CNTNAP5: variants seen among roughly 807,000 people sequenced by gnomAD.
CNTNAP5 encodes the protein contactin-associated protein-like 5.
Under a neutral mutation model 150.2 loss-of-function variants are expected in CNTNAP5, and 72 were observed. That is an observed-to-expected ratio of 0.48 (90% CI 0.40 to 0.58). The LOEUF is 0.58. Among genes scored for constraint, CNTNAP5 ranks in the 20% least tolerant of loss-of-function variants. The pLI is 0.00. For missense variants in CNTNAP5, 1,636 were observed against 1,626.2 expected, an observed-to-expected ratio of 1.01 and a Z score of -0.10; for synonymous variants, 672 against 619.8, an observed-to-expected ratio of 1.08 and a Z score of -1.25.
intron 1 of CNTNAP5, among the ~76,000 whole-genome samples, chr2:124,179,022 G>C (rs1418145217): frequency 2.7e-5 from 4 of 150,722 alleles, no homozygotes; most frequent in Non-Finnish European, 5.9e-5. Flanking sequence ...CATTTTTAGA[G>C]CTCTTTCAAG....
rs531908431 is a variant in CNTNAP5, at chr2:124,235,072, GC to G, written c.188-7127del. Reference sequence around the variant, plus strand: ...CAGGGTAAGACAGAGGGGAAAGCTAGCAAGAGTATAGTCTCCACTGAAGTCA... The same window carrying G: ...CAGGGTAAGACAGAGGGGAAAGCTAGAAGAGTATAGTCTCCACTGAAGTCA... On this transcript the variant is annotated intron_variant, in intron 2 of 23. Transcript: ENST00000682447. Among the ~76,000 whole-genome samples, 4 of 152,278 alleles carry G rather than the reference GC, an allele frequency of 2.6e-5. No homozygotes were observed. In the East Asian group the frequency reaches 7.7e-4, roughly 29 times the overall value.
chr2:124,398,383 A>G (rs562855903), intron 3 of CNTNAP5, among the ~76,000 whole-genome samples: 9 of 152,338 alleles, frequency 5.9e-5, no homozygotes, highest in Non-Finnish European at 1.0e-4. Context: ...AACATCTCGC[A>G]GTTTGATGTA....
At chr2:124,594,747 T>C (rs1169022440) in intron 11 of CNTNAP5, among the ~76,000 whole-genome samples, 8 of 132,610 alleles carry the variant, frequency 6.0e-5, no homozygotes, top group Middle Eastern at 7.5e-3. Flanking sequence ...ATTTTCACGA[T>C]ATTGATTCTT....
At position 124,607,265 on chromosome 2, in the gene CNTNAP5, G is replaced by A. The variant is rs559613425; in HGVS notation, c.1757-2536G>A. Reference sequence around the variant, plus strand: ...GCAGCTGCAAAAAAGATGTCCACAGGGCTGCTTTCGTTTTAAGGCTTGATA... The same window carrying A: ...GCAGCTGCAAAAAAGATGTCCACAGAGCTGCTTTCGTTTTAAGGCTTGATA... On this transcript the variant is annotated intron_variant, in intron 11 of 23. Transcript: ENST00000682447. Among the ~76,000 whole-genome samples the A allele has an allele frequency of 1.2e-3, 189 of 152,190 alleles. 1 individual carries two copies. Among genetic ancestry groups the A allele is most frequent in the Non-Finnish European group, 2.3e-3 (158 of 68,008 alleles).
intron 5 of CNTNAP5, among the ~76,000 whole-genome samples, chr2:124,443,345 G>T (rs1335422313): frequency 6.6e-6 from 1 of 151,010 alleles, no homozygotes; most frequent in Non-Finnish European, 1.5e-5. Context: ...TAAAAAGGAT[G>T]GGAAAGCTCT....
At chr2:124,486,592 C>T (rs1693885500) in intron 7 of CNTNAP5, among the ~76,000 whole-genome samples, 1 of 152,156 alleles carries the variant, frequency 6.6e-6, no homozygotes, top group South Asian at 2.1e-4. Context: ...AGACCTTGGA[C>T]ATCTGGAAAA....
chr2:124,306,844 CAG>C (rs1466989476), intron 3 of CNTNAP5, among the ~76,000 whole-genome samples: 1 of 150,370 alleles, frequency 6.7e-6, no homozygotes, highest in Non-Finnish European at 1.5e-5. Context: ...TCTCCTGCCT[CAG>C]CCTCCTGAGT....
intron 19 of CNTNAP5, among the ~76,000 whole-genome samples, chr2:124,801,541 G>A (rs1215311009): frequency 6.6e-6 from 1 of 152,174 alleles, no homozygotes; most frequent in Admixed American, 6.5e-5. Flanking sequence ...TATCACAGGA[G>A]TAGATGAGAG....
At chr2:124,389,846 G>A (rs1162563947) in intron 3 of CNTNAP5, among the ~76,000 whole-genome samples, 1 of 152,030 alleles carries the variant, frequency 6.6e-6, no homozygotes, top group East Asian at 1.9e-4. Context: ...CCTGCCTCTT[G>A]TCCCAGCTAC....
At chr2:124,377,426 G>A (rs1163000507) in intron 3 of CNTNAP5, among the ~76,000 whole-genome samples, 1 of 151,958 alleles carries the variant, frequency 6.6e-6, no homozygotes, top group African/African-American at 2.4e-5. Flanking sequence ...TCAAAAATGG[G>A]CCTGTGGGTG....
chr2:124,444,344 C>A (rs1473955993), intron 5 of CNTNAP5, among the ~76,000 whole-genome samples: 1 of 152,160 alleles, frequency 6.6e-6, no homozygotes, highest in Non-Finnish European at 1.5e-5. Context: ...CCTGTAATCC[C>A]AGCACTTTGG....
intron 8 of CNTNAP5, among the ~76,000 whole-genome samples, chr2:124,505,580 C>T (rs574045592): frequency 2.6e-5 from 4 of 152,230 alleles, no homozygotes; most frequent in African/African-American, 9.6e-5. Context: ...TGATTCATTG[C>T]CATGTACTAC....
intron 3 of CNTNAP5, among the ~76,000 whole-genome samples, chr2:124,341,858 A>ACC (rs1689625807): frequency 6.6e-6 from 1 of 152,110 alleles, no homozygotes; most frequent in African/African-American, 2.4e-5. Context: ...GATTTCCCTG[A>ACC]AGGTTATATC....
chr2:124,075,448 T>A (rs1227082288), intron 1 of CNTNAP5, among the ~76,000 whole-genome samples: 1 of 152,196 alleles, frequency 6.6e-6, no homozygotes, highest in East Asian at 1.9e-4. Flanking sequence ...TTTTCTCATT[T>A]ATGTTGATAA....
intron 11 of CNTNAP5, among the ~76,000 whole-genome samples, chr2:124,563,976 G>T (rs10210893): frequency 6.6e-6 from 1 of 152,194 alleles, no homozygotes; most frequent in South Asian, 2.1e-4. Context: ...GTGCAATCTT[G>T]CCGTGGAATG....
At chr2:124,545,698 C>T (rs541282171) in intron 10 of CNTNAP5, among the ~76,000 whole-genome samples, 92 of 152,100 alleles carry the variant, frequency 6.0e-4, no homozygotes, top group Non-Finnish European at 1.2e-3. Flanking sequence ...TCTGAGTCTC[C>T]GTACTAGCAC....
chr2:124,318,909 C>T (rs1456477798), intron 3 of CNTNAP5, among the ~76,000 whole-genome samples: 1 of 152,176 alleles, frequency 6.6e-6, no homozygotes, highest in East Asian at 1.9e-4. Flanking sequence ...CATCAAAGCT[C>T]AACTCTCCAG....
intron 1 of CNTNAP5, among the ~76,000 whole-genome samples, chr2:124,042,802 CTAT>C: frequency 4.0e-5 from 6 of 151,870 alleles, no homozygotes; most frequent in African/African-American, 1.5e-4. Context: ...ATCTATCTAT[CTAT>C]CTATCTATCT....
chr2:124,041,130 CA>C (rs570858488), intron 1 of CNTNAP5, among the ~76,000 whole-genome samples: 1 of 152,060 alleles, frequency 6.6e-6, no homozygotes, highest in East Asian at 1.9e-4. Flanking sequence ...AAAGTTAATC[CA>C]AAAAACATCT....
Sources: gnomAD v4.1 joint callset for allele counts (sites outside exome capture counted in the v4.1 genomes callset) on GRCh38, gnomAD v4.1.1 for gene constraint, MANE v1.5 for transcripts, NCBI Gene and HGNC (gene_info 2026-07-23, HGNC 2026-07-21) for gene names.